SCN3A: variants seen among roughly 807,000 people sequenced by gnomAD.
SCN3A encodes the protein sodium channel protein type 3 subunit alpha.
SCN3A carries 60 observed loss-of-function variants against 187.6 expected under a neutral mutation model. That is an observed-to-expected ratio of 0.32 (90% CI 0.26 to 0.40). The LOEUF is 0.40. SCN3A is among the 10% of genes least tolerant of loss of function. The probability of loss-of-function intolerance (pLI) is 1.00; values close to 1 mark genes in which losing one functional copy is unlikely to be tolerated. For synonymous variants in SCN3A, 788 were observed against 829.2 expected, an observed-to-expected ratio of 0.95 and a Z score of 0.85; for missense variants, 1,601 against 2,428.2, an observed-to-expected ratio of 0.66 and a Z score of 7.16.
chr2:165,095,642 G>T lies in SCN3A; in HGVS notation c.4300C>A (p.Leu1434Ile). The change falls in exon 25 of 28, where the codon CTT (leucine) becomes ATT (isoleucine). Residue 1434 changes from leucine (L) to isoleucine (I), a missense_variant. Leu to Ile is a conservative substitution (Grantham distance 5). Transcript: ENST00000283254. ...YAAVDSRDVK[L>I]QPVYEENLYM... ...AGATTTTCTTCATATACAGGCTGAA[G>T]TTTAACCTAAATGATATTGAAAATA... 7.2e-7 allele frequency: 1 copy of T among 1,384,346 alleles called. No individual in the cohort carries two copies. Among genetic ancestry groups the T allele is most frequent in the Non-Finnish European group, 1.0e-6 (1 of 973,350 alleles). The allele number at this position is 1,384,346 out of a possible 1,614,324, so 85.8% of individuals were successfully genotyped here.
chr2:165,128,686 A>G (rs1276546753), intron 17 of SCN3A, among the ~76,000 whole-genome samples: 2 of 152,212 alleles, frequency 1.3e-5, no homozygotes, highest in Admixed American at 1.3e-4. Context: ...CATCAAATAC[A>G]CTTTGAAATT....
At chr2:165,141,045 G>T in intron 12 of SCN3A, 47 bp from the exon 13 acceptor site, 1 of 1,238,026 alleles carries the variant, frequency 8.1e-7, no homozygotes, top group Non-Finnish European at 1.2e-6. Context: ...GGTAGGGGAA[G>T]AACGCAATTA....
intron 3 of SCN3A, among the ~76,000 whole-genome samples, chr2:165,174,291 C>G (rs1690311798): frequency 6.6e-6 from 1 of 152,106 alleles, no homozygotes; most frequent in Admixed American, 6.6e-5. Flanking sequence ...ACGTTCTTTT[C>G]TTCAAGCAGG....
At chr2:165,203,384 G>A (rs1490971923) in intron 1 of SCN3A, among the ~76,000 whole-genome samples, 3 of 151,792 alleles carry the variant, frequency 2.0e-5, no homozygotes, top group East Asian at 3.9e-4. Context: ...TATATGCATG[G>A]CCTCTCTAAA....
At chr2:165,182,974 CAAAAA>C in intron 2 of SCN3A, among the ~76,000 whole-genome samples, 1 of 87,046 alleles carries the variant, frequency 1.1e-5, no homozygotes. Flanking sequence ...AAGACCTTGT[CAAAAA>C]AAAAAAAAAA....
In SCN3A at chr2:165,140,768, C is replaced by A. The variant is rs1388030663; in HGVS notation, c.1902G>T (p.Met634Ile). 4 of 1,614,024 alleles carry A rather than the reference C, an allele frequency of 2.5e-6. No homozygotes were observed. Among genetic ancestry groups the A allele is most frequent in the African/African-American group, 1.3e-5 (1 of 74,920 alleles). The change falls in exon 13 of 28, where the codon ATG becomes ATT. Residue 634 changes from methionine to isoleucine, a missense_variant. This residue lies in a region of SCN3A where 376 missense variants were observed against 476.0 expected (regional missense o/e 0.79). Coordinates refer to ENST00000283254, the MANE Select transcript of SCN3A (RefSeq NM_006922.4). This position sits in a 1 kb window ranked among gnomAD's most constrained non-coding sequence, Gnocchi z 4.2. ...NVSQASMSSRMVPGLPANGKM... is the reference protein window; with the variant it reads ...NVSQASMSSRIVPGLPANGKM... ...TCCCATTTGCTGGAAGCCCTGGCAC[C>A]ATCCTGGATGACATACTGGCCTGAC...
Position 165,139,425 on chromosome 2 carries a change from C to T in SCN3A, c.2152+51G>A, listed in dbSNP as rs771064791. 6 of 1,612,194 alleles carry T rather than the reference C, an allele frequency of 3.7e-6. No homozygotes were observed. The South Asian group carries it at 6.6e-5, about 18-fold the overall frequency. On this transcript the variant is annotated intron_variant, in intron 14 of 27. Transcript: ENST00000283254. ...AATTCTATGAAAAGAAGGAATAGTT[C>T]ACAAAGCACATAATCACAGAAAGTT...
intron 5 of SCN3A, among the ~76,000 whole-genome samples, chr2:165,166,313 G>A (rs1158590491): frequency 2.0e-5 from 3 of 152,166 alleles, no homozygotes; most frequent in Admixed American, 1.3e-4. Context: ...TTCAAAAATG[G>A]TTATTAGTAA....
rs1684980887 is a variant in SCN3A at position 165,089,606 on chromosome 2, T to TC, written c.*543dup. Reference sequence around the variant, plus strand: ...TAACTGAAACTGTAGCCATTACAATTCTTTTTCTGGTTTTGAGCAAAAATT... The same window carrying TC: ...TAACTGAAACTGTAGCCATTACAATTCCTTTTTCTGGTTTTGAGCAAAAATT... On this transcript the variant is annotated 3_prime_UTR_variant, in exon 28 of 28. Coordinates refer to ENST00000283254, the MANE Select transcript of SCN3A (RefSeq NM_006922.4). 1 of 153,648 alleles carries TC rather than the reference T, an allele frequency of 6.5e-6. No homozygotes were observed. The highest frequency in any genetic ancestry group is 2.4e-5 in the African/African-American group (1 of 41,440). The allele number at this position is 153,648 out of a possible 1,614,324, so 9.5% of individuals were successfully genotyped here.
intron 15 of SCN3A, 125 bp downstream of exon 15, chr2:165,137,754 A>G (rs1194218570): frequency 3.9e-6 from 3 of 776,834 alleles, no homozygotes; most frequent in Non-Finnish European, 6.9e-6. Context: ...TATTCCTTAG[A>G]TATTTCTTTC....
At chr2:165,200,139 C>T (rs1268482511) in intron 1 of SCN3A, among the ~76,000 whole-genome samples, 1 of 151,952 alleles carries the variant, frequency 6.6e-6, no homozygotes, top group Non-Finnish European at 1.5e-5. Flanking sequence ...AAAATGAAAG[C>T]AGTTAGAATT....
At chr2:165,139,949 A>G (rs1260029214) in intron 13 of SCN3A, among the ~76,000 whole-genome samples, 5 of 152,096 alleles carry the variant, frequency 3.3e-5, no homozygotes, top group Admixed American at 2.6e-4. Flanking sequence ...AATTATTTTT[A>G]TCTTCTATCA....
intron 7 of SCN3A, 116 bp downstream of exon 7, chr2:165,163,502 C>T (rs750294372): frequency 4.2e-6 from 5 of 1,191,004 alleles, no homozygotes; most frequent in Non-Finnish European, 6.1e-6. Context: ...CATCATTTGG[C>T]ATTATTTAAC....
intron 1 of SCN3A, among the ~76,000 whole-genome samples, chr2:165,187,057 C>A (rs183162771): frequency 6.6e-6 from 1 of 152,240 alleles, no homozygotes; most frequent in East Asian, 1.9e-4. Flanking sequence ...TTCTGTTCTT[C>A]CCTCTTGCTT....
intron 5 of SCN3A, among the ~76,000 whole-genome samples, chr2:165,165,108 A>C (rs1689665886): frequency 6.6e-6 from 1 of 152,284 alleles, no homozygotes; most frequent in African/African-American, 2.4e-5. Context: ...GAGTAGACTC[A>C]TTTTGAGGGC....
At chr2:165,138,787 T>C (rs1313716004) in intron 14 of SCN3A, among the ~76,000 whole-genome samples, 1 of 152,186 alleles carries the variant, frequency 6.6e-6, no homozygotes, top group Non-Finnish European at 1.5e-5. Flanking sequence ...AAAATGTAAT[T>C]GATGTTTTCT....
intron 17 of SCN3A, among the ~76,000 whole-genome samples, 159 bp downstream of exon 17, chr2:165,129,781 G>A (rs1044586026): frequency 2.6e-5 from 4 of 152,170 alleles, no homozygotes; most frequent in Non-Finnish European, 5.9e-5. Context: ...CCAGAGCCCA[G>A]GAGAAGTTAA....
chr2:165,175,620 G>T (rs986990319), intron 3 of SCN3A, among the ~76,000 whole-genome samples: 1 of 151,992 alleles, frequency 6.6e-6, no homozygotes, highest in African/African-American at 2.4e-5. Context: ...AGGTTACTGG[G>T]GGGGAAAGGA....
chr2:165,161,893 C>T (rs1338252906), intron 9 of SCN3A, among the ~76,000 whole-genome samples: 6 of 152,182 alleles, frequency 3.9e-5, no homozygotes, highest in Non-Finnish European at 7.3e-5. Flanking sequence ...TGTGCTTCCA[C>T]CCTGAAGACC....
Sources: allele counts gnomAD v4.1 joint callset (sites outside exome capture counted in the v4.1 genomes callset), GRCh38; gene constraint gnomAD v4.1.1; regional missense constraint gnomAD v4.1.1; non-coding constraint Gnocchi (gnomAD v3.1); transcripts MANE v1.5; gene names NCBI Gene and HGNC (gene_info 2026-07-23, HGNC 2026-07-21).